The following ERC2 variants were observed in gnomAD, a reference collection of about 807,000 sequenced individuals.
ERC2 encodes the protein ERC protein 2.
ERC2 carries 42 observed loss-of-function variants against 114.8 expected under a neutral mutation model. The observed-to-expected ratio is 0.37, with a 90% confidence interval of 0.29 to 0.47. The LOEUF is 0.47. Ranked by LOEUF, ERC2 falls within the 20% of genes least tolerant of loss-of-function variation. The pLI is 0.99. For missense variants in ERC2, 939 were observed against 1,150.7 expected (o/e 0.82, Z 2.66); for synonymous variants, 454 against 425.5 (o/e 1.07, Z -0.82).
intron 17 of ERC2, among the ~76,000 whole-genome samples, chr3:55,552,001 A>C (rs1330067987): frequency 6.6e-6 from 1 of 152,044 alleles, no homozygotes; most frequent in Non-Finnish European, 1.5e-5. Flanking sequence ...CCCAGGCCCT[A>C]TATCCTTCTA....
chr3:56,422,204 A>G (rs749672482), intron 2 of ERC2, among the ~76,000 whole-genome samples: 7 of 152,158 alleles, frequency 4.6e-5, no homozygotes, highest in Admixed American at 6.5e-5. Context: ...AGGAATTCTA[A>G]ATGATTAATG....
At chr3:56,401,230 T>C (rs754774605) in intron 2 of ERC2, among the ~76,000 whole-genome samples, 1 of 152,218 alleles carries the variant, frequency 6.6e-6, no homozygotes, top group Non-Finnish European at 1.5e-5. Context: ...TCTTGTGAAG[T>C]AAGTAGACTA....
intron 2 of ERC2, among the ~76,000 whole-genome samples, chr3:56,375,514 G>A (rs1192583685): frequency 1.3e-5 from 2 of 152,164 alleles, no homozygotes; most frequent in Non-Finnish European, 1.5e-5. Flanking sequence ...TCTAGGCCTT[G>A]GGGATACAGC....
rs186982880 is a variant in ERC2, at chr3:55,909,913, G to A, written c.2404-21364C>T. ...AATTTGGCCAATGATAATCATTTAC[G>A]TGGAAAAATATTTATATTGAGAAGG... On this transcript the variant is annotated intron_variant, in intron 13 of 17. Transcript: ENST00000288221. Among the ~76,000 whole-genome samples the A allele has an allele frequency of 5.1e-3, 776 of 152,178 alleles. 6 individuals are homozygous for A. The highest frequency in any genetic ancestry group is 0.017 in the African/African-American group (716 of 41,518).
intron 3 of ERC2, among the ~76,000 whole-genome samples, chr3:56,273,994 A>C (rs1481682079): frequency 1.3e-5 from 2 of 152,218 alleles, no homozygotes; most frequent in Non-Finnish European, 2.9e-5. Flanking sequence ...TTTCAGATAA[A>C]TCACAGTTGT....
intron 17 of ERC2, among the ~76,000 whole-genome samples, chr3:55,578,160 G>A (rs778251600): frequency 1.3e-5 from 2 of 152,188 alleles, no homozygotes; most frequent in Non-Finnish European, 2.9e-5. Context: ...TCTACCCACT[G>A]GGTCTTCCAA....
intron 6 of ERC2, among the ~76,000 whole-genome samples, chr3:56,114,060 G>C (rs556858656): frequency 2.0e-5 from 3 of 152,090 alleles, no homozygotes; most frequent in Non-Finnish European, 2.9e-5. Flanking sequence ...GGGAGGACAG[G>C]GCAAAACAGG....
rs144284238 is a variant in ERC2, at chr3:56,036,154, T to C, written c.1642-17123A>G. Among the ~76,000 whole-genome samples, 45 of 152,286 alleles carry C rather than the reference T, an allele frequency of 3.0e-4. 2 individuals are homozygous for C. In the East Asian group the frequency reaches 8.1e-3, roughly 27 times the overall value. On this transcript the variant is annotated intron_variant, in intron 7 of 17. Coordinates refer to ENST00000288221, the MANE Select transcript of ERC2 (RefSeq NM_015576.3). ...TGCAGAAAAAGCACTTATCAAAATTTATCCTTTCATGATAAAGACTCTCGA... is the reference window on the plus strand; with the variant it reads ...TGCAGAAAAAGCACTTATCAAAATTCATCCTTTCATGATAAAGACTCTCGA...
chr3:56,172,519 T>C (rs990417855), intron 4 of ERC2, among the ~76,000 whole-genome samples: 4 of 152,210 alleles, frequency 2.6e-5, no homozygotes, highest in Non-Finnish European at 4.4e-5. Flanking sequence ...ATTGAGAAGA[T>C]GCATTATCCT....
At chr3:55,649,258 A>ATT (rs56806592) in intron 17 of ERC2, among the ~76,000 whole-genome samples, 42 of 119,206 alleles carry the variant, frequency 3.5e-4, no homozygotes, top group African/African-American at 5.2e-4. Flanking sequence ...CCAACGCTGA[A>ATT]TTTTTTTTTT....
chr3:56,057,641 G>A (rs1284804963), intron 7 of ERC2, among the ~76,000 whole-genome samples: 1 of 152,286 alleles, frequency 6.6e-6, no homozygotes, highest in Non-Finnish European at 1.5e-5. Flanking sequence ...ACATGTGGGT[G>A]TTGTGAAGAT....
intron 14 of ERC2, among the ~76,000 whole-genome samples, chr3:55,737,072 T>C (rs570430877): frequency 9.8e-5 from 15 of 152,306 alleles, no homozygotes; most frequent in African/African-American, 3.6e-4. Flanking sequence ...AACCTGGTCA[T>C]GATCCTGTTT....
At chr3:56,272,595 C>T (rs757279161) in intron 3 of ERC2, among the ~76,000 whole-genome samples, 1 of 152,168 alleles carries the variant, frequency 6.6e-6, no homozygotes, top group Admixed American at 6.5e-5. Context: ...CATAGTGAAA[C>T]GCTGTCTCTC....
rs1158064399 is a variant in ERC2, at chr3:56,170,597, T to TTTTTG, written c.1149+2848_1149+2849insCAAAA. 2.6e-3 allele frequency among the ~76,000 whole-genome samples: 362 copies of TTTTTG among 140,576 alleles called. 10 individuals carry two copies. Among genetic ancestry groups the TTTTTG allele is most frequent in the South Asian group, 4.2e-3 (18 of 4,260 alleles). The allele number at this position is 140,576 out of a possible 152,430, so 92.2% of individuals were successfully genotyped here. The stretch of plus-strand genomic sequence containing the variant: ...AGAAATCTCTTCTGTTTTTTTTTTT[T>TTTTTG]TTTTTTTTTTTTTTTTTGAGGTAGT... On this transcript the variant is annotated intron_variant, in intron 4 of 17. Transcript: ENST00000288221.
intron 14 of ERC2, among the ~76,000 whole-genome samples, chr3:55,843,697 A>C (rs1468828373): frequency 6.6e-6 from 1 of 152,246 alleles, no homozygotes; most frequent in Non-Finnish European, 1.5e-5. Context: ...GAAAAGCACA[A>C]GTTCTCCCAT....
At chr3:56,151,799 A>G (rs142040995) in intron 4 of ERC2, among the ~76,000 whole-genome samples, 198 of 152,306 alleles carry the variant, frequency 1.3e-3, no homozygotes, top group African/African-American at 4.2e-3. Context: ...CTAAATGCAC[A>G]TGGCTCAGAA....
At chr3:56,361,478 A>G (rs1172691029) in intron 2 of ERC2, among the ~76,000 whole-genome samples, 1 of 152,236 alleles carries the variant, frequency 6.6e-6, no homozygotes, top group Non-Finnish European at 1.5e-5. Context: ...AAAAGTGAAA[A>G]TGATGGAGAT....
chr3:55,846,405 C>A (rs1192521648), intron 14 of ERC2, among the ~76,000 whole-genome samples: 1 of 152,122 alleles, frequency 6.6e-6, no homozygotes, highest in African/African-American at 2.4e-5. Flanking sequence ...CACTGATGGG[C>A]ATCTAGGTTG....
intron 10 of ERC2, among the ~76,000 whole-genome samples, chr3:55,998,810 G>GT (rs1231714101): frequency 1.3e-5 from 2 of 152,034 alleles, no homozygotes; most frequent in African/African-American, 2.4e-5. Flanking sequence ...CTTTTGTTAT[G>GT]TTTTTTGTAA....
Sources: allele counts gnomAD v4.1 joint callset (sites outside exome capture counted in the v4.1 genomes callset), GRCh38; gene constraint gnomAD v4.1.1; transcripts MANE v1.5; gene names NCBI Gene and HGNC (gene_info 2026-07-23, HGNC 2026-07-21).